Variants in ZNF879 observed in about 807,000 individuals in gnomAD.
The protein encoded by ZNF879 is zinc finger protein 879.
A neutral mutation model predicts 44.3 loss-of-function variants in ZNF879; 32 were observed. The observed-to-expected ratio is 0.72, with a 90% CI of 0.54 to 0.97. ZNF879 has a LOEUF of 0.97. Ranked by LOEUF, ZNF879 falls within the 50% of genes least tolerant of loss-of-function variation. The pLI is 0.00. For missense variants in ZNF879, 621 were observed against 669.7 expected (o/e 0.93, Z 0.80); for synonymous variants, 234 against 233.2 (o/e 1.00, Z -0.03).
At chr5:179,026,471 T>A (rs901939604) in intron 2 of ZNF879, among the ~76,000 whole-genome samples, 1 of 152,158 alleles carries the variant, frequency 6.6e-6, no homozygotes, top group Non-Finnish European at 1.5e-5. Context: ...TAAGCTTTTT[T>A]AAGATGATTC....
intron 2 of ZNF879, among the ~76,000 whole-genome samples, chr5:179,026,752 G>A (rs1278362450): frequency 6.6e-6 from 1 of 152,230 alleles, no homozygotes; most frequent in Non-Finnish European, 1.5e-5. Flanking sequence ...GCCTCCCAAA[G>A]TGCTGGGATT....
Position 179,032,790 on chromosome 5 carries a change from T to C in ZNF879, c.842T>C (p.Met281Thr), listed in dbSNP as rs1761462254. The C allele has an allele frequency of 6.4e-7, 1 of 1,554,346 alleles. No homozygotes were observed. Among genetic ancestry groups the C allele is most frequent in the East Asian group, 2.4e-5 (1 of 41,022 alleles). ...ACATCTCTTATTGGACACCAGAGAA[T>C]GCATACTGGAGAGAGACCTTATAAA... ...FTTSLIGHQRMHTGERPYKCK... is the reference protein window; with the variant it reads ...FTTSLIGHQRTHTGERPYKCK... Residue 281 changes from methionine (M) to threonine (T), a missense_variant, in exon 5 of 5, where the codon ATG becomes ACG. Transcript: ENST00000444149.
In ZNF879 at chr5:179,033,082, A is replaced by G. The variant is rs1761479524; in HGVS notation, c.1134A>G (p.Gly378=). 1.9e-6 allele frequency: 3 copies of G among 1,567,590 alleles called. No individual in the cohort carries two copies. Among genetic ancestry groups the G allele is most frequent in the Admixed American group, 1.9e-5 (1 of 52,400 alleles). ...GEKPFHCNEC[G]KVFSYHSALI... ...AACCCTTTCATTGTAACGAGTGTGG[A>G]AAAGTATTCAGCTATCACTCAGCCC... The change falls in exon 5 of 5, where the codon GGA becomes GGG. Residue 378 remains glycine, a synonymous_variant. Coordinates refer to ENST00000444149, the MANE Select transcript of ZNF879 (RefSeq NM_001136116.3).
Position 179,033,150 on chromosome 5 carries a change from C to T in ZNF879, c.1202C>T (p.Ala401Val). Residue 401 changes from alanine to valine, a missense_variant, in exon 5 of 5, where the codon GCA becomes GTA. Transcript: ENST00000444149. ...ATTCACACTGGTGAGAAACCATATG[C>T]ATGCAAAGAATGTGGGAAAGCCTTC... The part of the protein sequence containing the change: ...QRIHTGEKPY[A>V]CKECGKAFSQ... The T allele has an allele frequency of 6.3e-7, 1 of 1,589,056 alleles. No individual in the cohort carries two copies. The highest frequency in any genetic ancestry group is 2.3e-5 in the East Asian group (1 of 43,252).
In ZNF879 at chr5:179,033,074, G is replaced by A. The variant is rs1265300291; in HGVS notation, c.1126G>A (p.Glu376Lys). The A allele has an allele frequency of 3.2e-6, 5 of 1,564,886 alleles. No individual in the cohort carries two copies. The highest frequency in any genetic ancestry group is 2.4e-5 in the East Asian group (1 of 41,700). The change falls in exon 5 of 5, where the codon GAG becomes AAG. Residue 376 changes from glutamate to lysine, a missense_variant. Glu to Lys is a moderately conservative substitution (Grantham distance 56). Transcript: ENST00000444149. The stretch of plus-strand genomic sequence containing the variant: ...TGGAGAGAAACCCTTTCATTGTAAC[G>A]AGTGTGGAAAAGTATTCAGCTATCA... Reference protein sequence around the residue: ...HTGEKPFHCNECGKVFSYHSA... With the variant: ...HTGEKPFHCNKCGKVFSYHSA...
At chr5:179,027,350 T>C in intron 2 of ZNF879, 123 bp from the exon 3 acceptor site, 1 of 1,370,538 alleles carries the variant, frequency 7.3e-7, no homozygotes, top group Non-Finnish European at 1.0e-6. Flanking sequence ...GTGTGCTTGG[T>C]AACTGAAAAG....
rs370474670 is a variant in ZNF879, at chr5:179,027,606, A to G, written c.160+7A>G. On this transcript the variant is annotated splice_region_variant and intron_variant, in intron 3 of 4. Coordinates refer to ENST00000444149, the MANE Select transcript of ZNF879 (RefSeq NM_001136116.3). Reference sequence around the variant, plus strand: ...AGCATCCTGGTCTCACTGGGTAAGGAACTTTCCTCCTGATGCAGAATCTGC... The same window carrying G: ...AGCATCCTGGTCTCACTGGGTAAGGGACTTTCCTCCTGATGCAGAATCTGC... The G allele has an allele frequency of 3.1e-6, 5 of 1,613,672 alleles. No homozygotes were observed. In the African/African-American group the frequency reaches 6.7e-5, roughly 22 times the overall value.
rs756224815 is a variant in ZNF879 at position 179,032,330 on chromosome 5, G to A, written c.382G>A (p.Glu128Lys). The change falls in exon 5 of 5, where the codon GAG (glutamate) becomes AAG (lysine). Residue 128 changes from glutamate (E) to lysine (K), a missense_variant. By Grantham distance (56) the Glu-to-Lys change is moderately conservative. Transcript: ENST00000444149. ...EKTYINEDKL[E>K]KQQGKKNRLF... is the part of the protein sequence containing the mutation. The stretch of plus-strand genomic sequence containing the variant: ...GACCTACATAAATGAAGATAAGTTA[G>A]AGAAGCAACAAGGCAAAAAGAACAG... 3.9e-6 allele frequency: 6 copies of A among 1,551,274 alleles called. No individual in the cohort carries two copies. In the South Asian group the frequency reaches 7.2e-5, roughly 18 times the overall value.
rs1761538693 is a variant in ZNF879 at position 179,034,716 on chromosome 5, AG to A, written c.*1077del. On this transcript the variant is annotated 3_prime_UTR_variant, in exon 5 of 5. Transcript: ENST00000444149. Reference sequence around the variant, plus strand: ...ACTTACACTCTTCAACAAGTGATTTAGCTCATTTCAGCATTTCTAAAATGTG... The same window carrying A: ...ACTTACACTCTTCAACAAGTGATTTACTCATTTCAGCATTTCTAAAATGTG... The A allele has an allele frequency of 6.6e-6, 1 of 152,262 alleles. No individual in the cohort carries two copies. Among genetic ancestry groups the A allele is most frequent in the African/African-American group, 2.4e-5 (1 of 41,472 alleles). The allele number at this position is 152,262 out of a possible 1,614,324, so 9.4% of individuals were successfully genotyped here.
chr5:179,023,960 G>A lies in ZNF879; in HGVS notation c.-36+56G>A, dbSNP rs935574807. The A allele has an allele frequency of 3.1e-4, 47 of 152,386 alleles. 2 individuals are homozygous for A. The highest frequency in any genetic ancestry group is 2.9e-5 in the Non-Finnish European group (2 of 68,220). 9.4% of individuals were successfully genotyped at this position (152,386 alleles called of 1,614,324 possible). ...GCGTGCGGCTGCCGCGGCGGGACCA[G>A]GACGAGGGCTGGCCTCTGCGCGTGT... is the stretch of plus-strand genomic sequence containing the variant. On this transcript the variant is annotated intron_variant, in intron 1 of 4. Transcript: ENST00000444149.
chr5:179,025,068 C>T (rs1761226491), intron 2 of ZNF879, 31 bp downstream of exon 2: 2 of 1,550,974 alleles, frequency 1.3e-6, no homozygotes, highest in Non-Finnish European at 1.7e-6. Flanking sequence ...GCTTGAACTG[C>T]CTTCAGGGTC....
intron 1 of ZNF879, chr5:179,024,733 C>A: frequency 8.1e-6 from 4 of 494,310 alleles, no homozygotes; most frequent in Non-Finnish European, 1.5e-5. Context: ...TGGTCTTCAT[C>A]CCTTCGCTCC....
In ZNF879 at chr5:179,032,860, T is replaced by TA; in HGVS notation, c.914dup (p.Asn305LysfsTer13). 6.4e-7 allele frequency: 1 copy of TA among 1,564,788 alleles called. No individual in the cohort carries two copies. The highest frequency in any genetic ancestry group is 8.7e-7 in the Non-Finnish European group (1 of 1,154,596). ...CATTTAAAGGTAGTTCATCTCTTAATAATCACCAGCGAATTCACACAGGAG... is the reference window on the plus strand; with the variant it reads ...CATTTAAAGGTAGTTCATCTCTTAATAAATCACCAGCGAATTCACACAGGAG... On this transcript the variant is annotated frameshift_variant, in exon 5 of 5. Transcript: ENST00000444149. LOFTEE classifies it high-confidence loss of function.
At chr5:179,025,221 T>C (rs1044422694) in intron 2 of ZNF879, among the ~76,000 whole-genome samples, 184 bp downstream of exon 2, 11 of 151,992 alleles carry the variant, frequency 7.2e-5, no homozygotes, top group African/African-American at 2.7e-4. Context: ...TTTTTTTTTT[T>C]TTTCTTTCCC....
At position 179,034,656 on chromosome 5, in the gene ZNF879, C is replaced by T. The variant is rs1761536667; in HGVS notation, c.*1016C>T. 6.6e-6 allele frequency: 1 copy of T among 152,230 alleles called. No homozygotes were observed. The highest frequency in any genetic ancestry group is 2.1e-4 in the South Asian group (1 of 4,828). The allele number at this position is 152,230 out of a possible 1,614,324, so 9.4% of individuals were successfully genotyped here. A position where few individuals can be genotyped will look rare whatever the true frequency, so the allele number is the denominator to read the frequency against. Reference sequence around the variant, plus strand: ...AAAGGTCACTGGGCAAATATTTAGGCTCTGAGTTCAGATACTCTTTCTTCC... The same window carrying T: ...AAAGGTCACTGGGCAAATATTTAGGTTCTGAGTTCAGATACTCTTTCTTCC... On this transcript the variant is annotated 3_prime_UTR_variant, in exon 5 of 5. Coordinates refer to ENST00000444149, the MANE Select transcript of ZNF879 (RefSeq NM_001136116.3).
intron 1 of ZNF879, among the ~76,000 whole-genome samples, chr5:179,024,131 C>T (rs1419072922): frequency 6.6e-6 from 1 of 152,198 alleles, no homozygotes; most frequent in East Asian, 1.9e-4. Context: ...CAGCCTGGGC[C>T]GGACTCCGGG....
At chr5:179,031,900 GGAGA>G (rs1299910273) in intron 4 of ZNF879, among the ~76,000 whole-genome samples, 1 of 152,102 alleles carries the variant, frequency 6.6e-6, no homozygotes, top group Non-Finnish European at 1.5e-5. Flanking sequence ...AGCTGCCCTG[GGAGA>G]TGACGCTGAG....
At chr5:179,027,093 A>C (rs1388911430) in intron 2 of ZNF879, among the ~76,000 whole-genome samples, 1 of 152,182 alleles carries the variant, frequency 6.6e-6, no homozygotes, top group Non-Finnish European at 1.5e-5. Flanking sequence ...CTTTCCCAGC[A>C]AGCCTGGTGG....
At chr5:179,024,193 G>C (rs1761193422) in intron 1 of ZNF879, among the ~76,000 whole-genome samples, 1 of 152,192 alleles carries the variant, frequency 6.6e-6, no homozygotes, top group African/African-American at 2.4e-5. Flanking sequence ...TTCAGGGTCC[G>C]GAGCCCTCCG....
Sources: allele counts gnomAD v4.1 joint callset (sites outside exome capture counted in the v4.1 genomes callset), GRCh38; gene constraint gnomAD v4.1.1; transcripts MANE v1.5; gene names NCBI Gene and HGNC (gene_info 2026-07-23, HGNC 2026-07-21).